Variants in SMCO4 observed in about 807,000 individuals in gnomAD.
SMCO4 encodes single-pass membrane protein with coiled-coil domains 4.
In SMCO4, 4 loss-of-function variants were observed where a neutral mutation model predicts 3.6. The ratio of observed to expected loss-of-function variants is 1.11; its 90% CI spans 0.54 to 2.53. SMCO4 has a LOEUF of 2.53. Ranked by LOEUF, SMCO4 falls within the 30% of genes most tolerant of loss-of-function variation. The pLI is 0.02. For missense variants in SMCO4, 70 were observed against 80.8 expected, an observed-to-expected ratio of 0.87 and a Z score of 0.51; for synonymous variants, 36 against 35.3, an observed-to-expected ratio of 1.02 and a Z score of -0.07.
At chr11:93,535,813 G>C in intron 1 of SMCO4, 2 of 1,613,992 alleles carry the variant, frequency 1.2e-6, no homozygotes. Context: ...AGCAACAGCA[G>C]CACAGTAAAG....
At chr11:93,501,626 C>G (rs554502009) in intron 1 of SMCO4, among the ~76,000 whole-genome samples, 2 of 152,298 alleles carry the variant, frequency 1.3e-5, no homozygotes, top group Admixed American at 1.3e-4. Context: ...TAGGGCCTAC[C>G]AAATAATCCA....
chr11:93,489,854 C>A (rs539604841), intron 2 of SMCO4, among the ~76,000 whole-genome samples: 2 of 152,008 alleles, frequency 1.3e-5, no homozygotes, highest in South Asian at 4.2e-4. Flanking sequence ...AGACTCTCAA[C>A]TCTGTTCTTT....
At position 93,478,691 on chromosome 11, in the gene SMCO4, G is replaced by A. The variant is rs1038075079; in HGVS notation, c.*319C>T. The A allele has an allele frequency of 7.4e-5, 27 of 364,894 alleles. No homozygotes were observed. Among genetic ancestry groups the A allele is most frequent in the African/African-American group, 2.0e-4 (9 of 44,556 alleles). The allele number at this position is 364,894 out of a possible 1,614,324, so 22.6% of individuals were successfully genotyped here. A position where few individuals can be genotyped will look rare whatever the true frequency, so the allele number is the denominator to read the frequency against. On this transcript the variant is annotated 3_prime_UTR_variant, in exon 3 of 3. Transcript: ENST00000298966. ...CCCTCTTCAGGTGGAGCTACTTATCGATTTTTAGGAGAGAAAAAGAAGCAC... is the reference window on the plus strand; with the variant it reads ...CCCTCTTCAGGTGGAGCTACTTATCAATTTTTAGGAGAGAAAAAGAAGCAC...
At chr11:93,514,983 C>T (rs1280031722) in intron 1 of SMCO4, among the ~76,000 whole-genome samples, 2 of 152,310 alleles carry the variant, frequency 1.3e-5, no homozygotes, top group East Asian at 3.9e-4. Context: ...CTACTTAACT[C>T]CAAGGCCAAA....
intron 2 of SMCO4, among the ~76,000 whole-genome samples, chr11:93,489,774 C>A (rs1348492387): frequency 2.6e-5 from 4 of 151,998 alleles, no homozygotes; most frequent in African/African-American, 9.7e-5. Flanking sequence ...CCACAGCTGT[C>A]CCTCACCTGT....
chr11:93,480,405 G>A (rs1213214024), intron 2 of SMCO4, among the ~76,000 whole-genome samples: 2 of 152,116 alleles, frequency 1.3e-5, no homozygotes, highest in Non-Finnish European at 2.9e-5. Context: ...AGATGAACTC[G>A]CCACCCCCCA....
At chr11:93,552,418 G>C in the SMCO4 span, among the ~76,000 whole-genome samples, 1 of 148,890 alleles carries the variant, frequency 6.7e-6, no homozygotes, top group African/African-American at 2.5e-5. Context: ...GGGATTACAG[G>C]CGTAGGCCAC....
the SMCO4 span, among the ~76,000 whole-genome samples, chr11:93,552,442 GTTATTATTATTATTATTA>G: frequency 3.8e-5 from 5 of 130,242 alleles, no homozygotes; most frequent in African/African-American, 8.7e-5. Context: ...GCCCAGCCAC[GTTATTATTATTATTATTA>G]TTATTATTAT....
intron 1 of SMCO4, among the ~76,000 whole-genome samples, chr11:93,531,835 T>C (rs573647848): frequency 1.3e-5 from 2 of 152,334 alleles, no homozygotes; most frequent in South Asian, 4.1e-4. Flanking sequence ...AAGTCGCCCC[T>C]CTGCTCCCTG....
At chr11:93,492,152 G>C (rs1268190162) in intron 2 of SMCO4, among the ~76,000 whole-genome samples, 2 of 152,156 alleles carry the variant, frequency 1.3e-5, no homozygotes, top group Non-Finnish European at 2.9e-5. Flanking sequence ...CCAGAGACAG[G>C]CGAGTAAGCT....
chr11:93,527,634 A>T (rs1223537294), intron 1 of SMCO4, among the ~76,000 whole-genome samples: 1 of 151,636 alleles, frequency 6.6e-6, no homozygotes, highest in Non-Finnish European at 1.5e-5. Flanking sequence ...TTTTTTAAAA[A>T]TTTTTTTGTA....
intron 1 of SMCO4, among the ~76,000 whole-genome samples, chr11:93,536,153 C>A (rs1378469377): frequency 2.0e-5 from 3 of 152,120 alleles, no homozygotes; most frequent in African/African-American, 4.8e-5. Flanking sequence ...TTTGCAACCT[C>A]ACCAATAATA....
chr11:93,510,331 A>G (rs1948945933), intron 1 of SMCO4, among the ~76,000 whole-genome samples: 1 of 152,226 alleles, frequency 6.6e-6, no homozygotes, highest in Non-Finnish European at 1.5e-5. Context: ...GAACCTAAGA[A>G]GGAATTTGAA....
chr11:93,509,933 A>G (rs1176102980), intron 1 of SMCO4, among the ~76,000 whole-genome samples: 4 of 152,224 alleles, frequency 2.6e-5, no homozygotes, highest in South Asian at 4.1e-4. Context: ...GAACTTATTC[A>G]TATAATCAAA....
intron 2 of SMCO4, among the ~76,000 whole-genome samples, chr11:93,488,255 C>G (rs1948673399): frequency 6.6e-6 from 1 of 152,144 alleles, no homozygotes; most frequent in South Asian, 2.1e-4. Context: ...CTGAGAAGCA[C>G]GCAGGGGCCA....
intron 1 of SMCO4, among the ~76,000 whole-genome samples, chr11:93,514,815 T>A (rs1187096897): frequency 6.6e-6 from 1 of 152,184 alleles, no homozygotes; most frequent in Non-Finnish European, 1.5e-5. Flanking sequence ...ATCTACCACA[T>A]ACCAGACATA....
chr11:93,507,326 G>C (rs1262055796), intron 1 of SMCO4, among the ~76,000 whole-genome samples: 1 of 152,136 alleles, frequency 6.6e-6, no homozygotes, highest in Non-Finnish European at 1.5e-5. Flanking sequence ...CTTGAACCCG[G>C]GAAGCGGAGG....
chr11:93,518,866 G>T (rs1278771677), intron 1 of SMCO4, among the ~76,000 whole-genome samples: 3 of 152,168 alleles, frequency 2.0e-5, no homozygotes, highest in Non-Finnish European at 4.4e-5. Context: ...GACAAGCATA[G>T]GCCATTAACA....
At chr11:93,542,488 C>G (rs1045273491) in intron 1 of SMCO4, among the ~76,000 whole-genome samples, 1 of 152,220 alleles carries the variant, frequency 6.6e-6, no homozygotes, top group Non-Finnish European at 1.5e-5. Context: ...GCTCAGCTGT[C>G]CCTCCTCAAC....
Sources: allele counts gnomAD v4.1 joint callset (sites outside exome capture counted in the v4.1 genomes callset), GRCh38; gene constraint gnomAD v4.1.1; transcripts MANE v1.5; gene names NCBI Gene and HGNC (gene_info 2026-07-23, HGNC 2026-07-21).